The following RAD51B variants were observed in gnomAD, a reference collection of about 807,000 sequenced individuals.
RAD51B encodes RAD51 paralog B.
In RAD51B, 38 loss-of-function variants were observed where a neutral mutation model predicts 42.2. The observed-to-expected ratio is 0.90, with a 90% confidence interval of 0.70 to 1.18. The LOEUF (loss-of-function observed/expected upper bound fraction) is 1.18, where lower values mean the gene tolerates loss of function less well. Ranked by LOEUF, RAD51B falls within the 50% of genes most tolerant of loss-of-function variation. The pLI, the probability that RAD51B is intolerant of heterozygous loss-of-function variation, is 0.00. For missense variants in RAD51B, 373 were observed against 400.7 expected (o/e 0.93, Z 0.59); for synonymous variants, 154 against 145.2 (o/e 1.06, Z -0.43).
chr14:68,255,088 T>G (rs1426220395), intron 7 of RAD51B, among the ~76,000 whole-genome samples: 1 of 152,180 alleles, frequency 6.6e-6, no homozygotes, highest in African/African-American at 2.4e-5. Flanking sequence ...CCCTTTTTTT[T>G]CTTTCTTTCT....
At position 68,306,702 on chromosome 14, in the gene RAD51B, C is replaced by T. The variant is rs3784103; in HGVS notation, c.853+14722C>T. 4,636 of 493,660 alleles carry T rather than the reference C, an allele frequency of 9.4e-3. 100 individuals are homozygous for T. The highest frequency in any genetic ancestry group is 0.057 in the East Asian group (1,038 of 18,080). 30.6% of individuals were successfully genotyped at this position (493,660 alleles called of 1,614,324 possible). A position where few individuals can be genotyped will look rare whatever the true frequency, so the allele number is the denominator to read the frequency against. On this transcript the variant is annotated intron_variant, in intron 8 of 10. Transcript: ENST00000471583. ...TGTGACAAGTGTGTATTGGAAAACT[C>T]GTTGAAAACACATGAGTTAGTAATG...
chr14:68,228,435 CATT>C (rs1314066039), intron 7 of RAD51B, among the ~76,000 whole-genome samples: 4 of 152,116 alleles, frequency 2.6e-5, no homozygotes, highest in Non-Finnish European at 5.9e-5. Flanking sequence ...AATGTTGAAT[CATT>C]ATTCTTACTA....
intron 4 of RAD51B, among the ~76,000 whole-genome samples, chr14:67,835,601 A>G (rs1271744715): frequency 6.6e-6 from 1 of 151,672 alleles, no homozygotes; most frequent in Non-Finnish European, 1.5e-5. Flanking sequence ...GTATGCACAT[A>G]AATAACATTA....
chr14:67,933,047 A>G (rs2044799894), intron 7 of RAD51B, among the ~76,000 whole-genome samples: 1 of 152,190 alleles, frequency 6.6e-6, no homozygotes, highest in African/African-American at 2.4e-5. Flanking sequence ...CCAGACAGCT[A>G]TTATGCTTAC....
At chr14:68,325,906 A>G (rs977091756) in intron 8 of RAD51B, among the ~76,000 whole-genome samples, 2 of 152,128 alleles carry the variant, frequency 1.3e-5, no homozygotes, top group African/African-American at 4.8e-5. Context: ...CTAAGTGTCA[A>G]GCTCTGTGCT....
chr14:68,223,111 C>T (rs1258219738), intron 7 of RAD51B, among the ~76,000 whole-genome samples: 3 of 152,202 alleles, frequency 2.0e-5, no homozygotes, highest in Non-Finnish European at 4.4e-5. Context: ...ACTTCCCCTA[C>T]CTTGGCTAAC....
At chr14:68,248,893 G>A (rs1447799198) in intron 7 of RAD51B, among the ~76,000 whole-genome samples, 1 of 152,248 alleles carries the variant, frequency 6.6e-6, no homozygotes, top group Non-Finnish European at 1.5e-5. Flanking sequence ...AGATTGGGAT[G>A]GATGTGCCCA....
chr14:68,076,033 A>G (rs1314057986), intron 7 of RAD51B, among the ~76,000 whole-genome samples: 1 of 152,216 alleles, frequency 6.6e-6, no homozygotes, highest in Non-Finnish European at 1.5e-5. Context: ...GGCAGGGTTT[A>G]GGGGTACTTT....
intron 8 of RAD51B, among the ~76,000 whole-genome samples, chr14:68,399,446 A>G (rs1400130962): frequency 2.6e-5 from 4 of 151,928 alleles, no homozygotes; most frequent in Non-Finnish European, 5.9e-5. Context: ...TTTGGTAGAG[A>G]TGGGGTTTCA....
intron 7 of RAD51B, among the ~76,000 whole-genome samples, chr14:67,963,618 C>A (rs2074711999): frequency 6.6e-6 from 1 of 151,916 alleles, no homozygotes; most frequent in African/African-American, 2.4e-5. Flanking sequence ...TTCTTTCATT[C>A]CTGATCTCAG....
intron 8 of RAD51B, among the ~76,000 whole-genome samples, chr14:68,409,177 C>T (rs1340471614): frequency 1.3e-5 from 2 of 152,194 alleles, no homozygotes; most frequent in African/African-American, 4.8e-5. Flanking sequence ...AGCAAATTAT[C>T]TCAATAGAGC....
chr14:68,453,633 CAG>C (rs1253042257), intron 9 of RAD51B, among the ~76,000 whole-genome samples: 3 of 152,124 alleles, frequency 2.0e-5, no homozygotes, highest in Non-Finnish European at 2.9e-5. Context: ...TTTATTAAAA[CAG>C]GGGATTATGC....
At chr14:67,997,503 G>A (rs147155312) in intron 7 of RAD51B, among the ~76,000 whole-genome samples, 16 of 152,090 alleles carry the variant, frequency 1.1e-4, no homozygotes, top group Non-Finnish European at 1.6e-4. Context: ...TTGGTCTTTC[G>A]GCCTCTAGCT....
chr14:68,649,296 C>T (rs1217546011), intron 10 of RAD51B, among the ~76,000 whole-genome samples: 1 of 152,160 alleles, frequency 6.6e-6, no homozygotes, highest in Non-Finnish European at 1.5e-5. Flanking sequence ...CAGAAATTCA[C>T]AGCTAGGAAC....
chr14:67,993,482 A>G (rs911449639), intron 7 of RAD51B, among the ~76,000 whole-genome samples: 3 of 152,166 alleles, frequency 2.0e-5, no homozygotes, highest in Non-Finnish European at 2.9e-5. Context: ...ACTTAACATA[A>G]TGACCACCAG....
At chr14:68,242,910 G>A (rs897459847) in intron 7 of RAD51B, among the ~76,000 whole-genome samples, 6 of 152,092 alleles carry the variant, frequency 3.9e-5, no homozygotes, top group African/African-American at 1.4e-4. Context: ...GGGCATGGAG[G>A]CCCTAGAAAG....
At chr14:68,592,547 A>G (rs1303913090) in intron 10 of RAD51B, among the ~76,000 whole-genome samples, 4 of 152,188 alleles carry the variant, frequency 2.6e-5, no homozygotes, top group African/African-American at 9.7e-5. Flanking sequence ...AGTTGGTTCA[A>G]TTGCCAAAGA....
At chr14:68,385,280 G>C (rs2083569244) in intron 8 of RAD51B, among the ~76,000 whole-genome samples, 1 of 152,094 alleles carries the variant, frequency 6.6e-6, no homozygotes, top group East Asian at 1.9e-4. Context: ...CCAGCCCCTG[G>C]CAACAGAAAT....
At chr14:68,251,572 G>A (rs1429678501) in intron 7 of RAD51B, among the ~76,000 whole-genome samples, 1 of 152,196 alleles carries the variant, frequency 6.6e-6, no homozygotes, top group African/African-American at 2.4e-5. Context: ...CCCATGATGA[G>A]CTTTAGTCTG....
Sources: allele counts gnomAD v4.1 joint callset (sites outside exome capture counted in the v4.1 genomes callset), GRCh38; gene constraint gnomAD v4.1.1; transcripts MANE v1.5; gene names NCBI Gene and HGNC (gene_info 2026-07-23, HGNC 2026-07-21).